NTRK1: variants seen among roughly 807,000 people sequenced by gnomAD.
The protein encoded by NTRK1 is high affinity nerve growth factor receptor.
NTRK1 carries 62 observed loss-of-function variants against 86.8 expected under a neutral mutation model. The observed-to-expected ratio is 0.71, with a 90% confidence interval of 0.58 to 0.88. NTRK1 has a LOEUF of 0.88. Among genes scored for constraint, NTRK1 ranks in the 40% least tolerant of loss-of-function variants. The pLI, the probability that NTRK1 is intolerant of heterozygous loss-of-function variation, is 0.00. For missense variants in NTRK1, 967 were observed against 1,078.4 expected, an observed-to-expected ratio of 0.90 and a Z score of 1.45; for synonymous variants, 469 against 456.6, an observed-to-expected ratio of 1.03 and a Z score of -0.35.
At chr1:156,875,798 C>T in intron 12 of NTRK1, 132 bp downstream of exon 12, 2 of 1,343,460 alleles carry the variant, frequency 1.5e-6, no homozygotes, top group Non-Finnish European at 2.1e-6. Flanking sequence ...CCTATTCCAG[C>T]CATAGGCCCT....
intron 3 of NTRK1, 90 bp from the exon 4 acceptor site, chr1:156,866,820 T>G: frequency 7.2e-7 from 1 of 1,383,252 alleles, no homozygotes; most frequent in South Asian, 1.2e-5. Flanking sequence ...AGATGTCAAC[T>G]TCTTTCTTGG....
intron 1 of NTRK1, among the ~76,000 whole-genome samples, chr1:156,817,842 C>T (rs1050940982): frequency 1.3e-5 from 2 of 152,050 alleles, no homozygotes; most frequent in Non-Finnish European, 2.9e-5. Context: ...AGGGTTTCAC[C>T]GTGTTGGCCA....
chr1:156,849,513 G>GGGGGGGGGGGGGGGGGGT, intron 2 of NTRK1: 1 of 486,122 alleles, frequency 2.1e-6, no homozygotes, highest in East Asian at 5.4e-5. Flanking sequence ...CAGGGGGTGG[G>GGGGGGGGGGGGGGGGGGT]AAAGGGGATG....
intron 1 of NTRK1, among the ~76,000 whole-genome samples, chr1:156,828,567 T>C (rs1654384000): frequency 6.6e-6 from 1 of 152,266 alleles, no homozygotes; most frequent in Admixed American, 6.5e-5. Flanking sequence ...GGTCGGCCTC[T>C]GTGTGTGGCA....
In NTRK1 at chr1:156,868,149, G is replaced by A. The variant is rs2102892856; in HGVS notation, c.474G>A (p.Trp158Ter). 6.2e-7 allele frequency: 1 copy of A among 1,613,868 alleles called. No homozygotes were observed. The highest frequency in any genetic ancestry group is 8.5e-7 in the Non-Finnish European group (1 of 1,180,036). ...NPLHCSCALRWLQRWEEEGLG... is the reference protein window; with the variant it reads ...NPLHCSCALR ...TGCACTGTTCTTGTGCCCTGCGCTG[G>A]CTACAGCGCTGGGAGGAGGAGGGAC... is the stretch of plus-strand genomic sequence containing the variant. Residue 158 changes from tryptophan (W) to a stop codon, truncating the protein, a stop_gained, in exon 5 of 17, where the codon TGG (tryptophan) becomes TGA (stop). Transcript: ENST00000524377. LOFTEE classifies it high-confidence loss of function.
chr1:156,880,318 C>A, intron 16 of NTRK1, 161 bp downstream of exon 16: 1 of 707,012 alleles, frequency 1.4e-6, no homozygotes, highest in Non-Finnish European at 2.4e-6. Context: ...CACTGTGGCC[C>A]TTTTCTTCTC....
chr1:156,846,743 G>C, intron 2 of NTRK1: 5 of 1,614,024 alleles, frequency 3.1e-6, no homozygotes, highest in Non-Finnish European at 4.2e-6. Context: ...GTGCTCTGTG[G>C]CGTTCTGGAA....
Position 156,868,516 on chromosome 1 carries a change from C to A in NTRK1, c.586C>A (p.Leu196Met). 1 of 1,558,928 alleles carries A rather than the reference C, an allele frequency of 6.4e-7. No individual in the cohort carries two copies. Among genetic ancestry groups the A allele is most frequent in the Non-Finnish European group, 8.7e-7 (1 of 1,151,192 alleles). The change falls in exon 6 of 17, where the codon CTG becomes ATG. Residue 196 changes from leucine to methionine, a missense_variant. By Grantham distance (15) the Leu-to-Met change is conservative (BLOSUM62 2). Around this residue, in one of 2 missense-constraint regions of NTRK1, gnomAD observed 330 missense variants for 302.0 expected, o/e 1.09. Coordinates refer to ENST00000524377, the MANE Select transcript of NTRK1 (RefSeq NM_002529.4). Reference sequence around the variant, plus strand: ...TCCTGGGTGGCCAGGTGTGCCCACGCTGAAGGTCCAGGTGCCCAATGCCTC... The same window carrying A: ...TCCTGGGTGGCCAGGTGTGCCCACGATGAAGGTCCAGGTGCCCAATGCCTC... Reference protein sequence around the residue: ...MPNASCGVPTLKVQVPNASVD... With the variant: ...MPNASCGVPTMKVQVPNASVD...
At chr1:156,847,668 T>TG (rs1468209481) in intron 2 of NTRK1, among the ~76,000 whole-genome samples, 6 of 142,876 alleles carry the variant, frequency 4.2e-5, no homozygotes, top group Non-Finnish European at 7.6e-5. Context: ...AGGAGCAGGT[T>TG]GGGGGGGTGG....
chr1:156,867,174 G>A (rs947161718), intron 4 of NTRK1, among the ~76,000 whole-genome samples, 196 bp downstream of exon 4: 2 of 152,268 alleles, frequency 1.3e-5, no homozygotes, highest in African/African-American at 4.8e-5. Context: ...CTACTGCCCT[G>A]AGGAGCTGGC....
intron 1 of NTRK1, among the ~76,000 whole-genome samples, chr1:156,823,857 C>T (rs757311256): frequency 6.6e-6 from 1 of 152,180 alleles, no homozygotes; most frequent in Non-Finnish European, 1.5e-5. Flanking sequence ...CTAACATCTA[C>T]GGGATGAATT....
At chr1:156,846,895 A>G in intron 2 of NTRK1, 1 of 694,630 alleles carries the variant, frequency 1.4e-6, no homozygotes, top group East Asian at 2.7e-5. Flanking sequence ...GCCACCTGTT[A>G]GACCTTGGCA....
At chr1:156,869,359 T>A (rs1647407603) in intron 6 of NTRK1, among the ~76,000 whole-genome samples, 1 of 152,052 alleles carries the variant, frequency 6.6e-6, no homozygotes, top group Non-Finnish European at 1.5e-5. Flanking sequence ...ATTACAGGTG[T>A]GAGCCACTGT....
chr1:156,846,223 A>G (rs1655003394), intron 2 of NTRK1: 1 of 1,223,698 alleles, frequency 8.2e-7, no homozygotes, highest in Non-Finnish European at 1.1e-6. Flanking sequence ...TGTTCTCCCA[A>G]AGAATAGGTG....
In NTRK1 at chr1:156,860,898, A is replaced by T; in HGVS notation, c.-37A>T. On this transcript the variant is annotated 5_prime_UTR_variant, in exon 1 of 17. Coordinates refer to ENST00000524377, the MANE Select transcript of NTRK1 (RefSeq NM_002529.4). ...GGCAGCTGCAGCTGGGAGCGCACAG[A>T]CGGCTGCCCCGCCTGAGCGAGGCGG... 8.5e-6 allele frequency: 12 copies of T among 1,411,794 alleles called. No homozygotes were observed. Among genetic ancestry groups the T allele is most frequent in the Non-Finnish European group, 1.1e-5 (12 of 1,095,018 alleles). 87.5% of individuals were successfully genotyped at this position (1,411,794 alleles called of 1,614,324 possible). A position where few individuals can be genotyped will look rare whatever the true frequency, so the allele number is the denominator to read the frequency against.
chr1:156,840,507 C>T, intron 1 of NTRK1: 1 of 225,138 alleles, frequency 4.4e-6, no homozygotes. Flanking sequence ...AAACATGTCG[C>T]TGGCCCTACC....
intron 4 of NTRK1, 136 bp downstream of exon 4, chr1:156,867,114 C>A: frequency 1.1e-6 from 1 of 893,956 alleles, no homozygotes; most frequent in Non-Finnish European, 1.8e-6. Context: ...ATGTGCATGC[C>A]AGTGAAACCC....
chr1:156,874,731 G>A (rs951872435), intron 10 of NTRK1, 105 bp downstream of exon 10: 2 of 1,355,678 alleles, frequency 1.5e-6, no homozygotes, highest in African/African-American at 1.4e-5. Context: ...ACTACCATCT[G>A]GCCTGAGCTC....
upstream of NTRK1, among the ~76,000 whole-genome samples, chr1:156,860,011 G>T (rs1462510109): frequency 2.6e-5 from 4 of 152,244 alleles, no homozygotes; most frequent in African/African-American, 9.6e-5. Flanking sequence ...CCCGCGGGCG[G>T]CTCCTGCGTC....
Sources: allele counts gnomAD v4.1 joint callset (sites outside exome capture counted in the v4.1 genomes callset), GRCh38; gene constraint gnomAD v4.1.1; regional missense constraint gnomAD v4.1.1; transcripts MANE v1.5; gene names NCBI Gene and HGNC (gene_info 2026-07-23, HGNC 2026-07-21).